Variants in ASGR2 observed in about 807,000 individuals in gnomAD.
The protein encoded by ASGR2 is asialoglycoprotein receptor 2, also known as C-type lectin domain family 4 member H2.
Under a neutral mutation model 32.3 loss-of-function variants are expected in ASGR2, and 34 were observed. The observed-to-expected ratio is 1.05, with a 90% CI of 0.80 to 1.40. The LOEUF is 1.40. Among genes scored for constraint, ASGR2 ranks in the 40% most tolerant of loss-of-function variants. The pLI, the probability that ASGR2 is intolerant of heterozygous loss-of-function variation, is 0.00. For synonymous variants in ASGR2, 143 were observed against 150.0 expected, an observed-to-expected ratio of 0.95 and a Z score of 0.34; for missense variants, 385 against 386.4, an observed-to-expected ratio of 1.00 and a Z score of 0.03.
chr17:7,112,084 G>GGGGGAGA (rs1914757787), intron 2 of ASGR2, among the ~76,000 whole-genome samples: 2 of 104,068 alleles, frequency 1.9e-5, no homozygotes, highest in Non-Finnish European at 4.1e-5. Context: ...GGGGAGGGGA[G>GGGGGAGA]GGGGAGGGGA....
Position 7,107,647 on chromosome 17 carries a change from A to ACACACCACACACAGATCCATGACATAT in ASGR2, c.409+162_409+188dup. ...ACAACACACACATATACACCACACTACACACCACACACAGATCCATGACAT... is the reference window on the plus strand; with the variant it reads ...ACAACACACACATATACACCACACTACACACCACACACAGATCCATGACATATCACACCACACACAGATCCATGACAT... On this transcript the variant is annotated intron_variant, in intron 5 of 8. Coordinates refer to ENST00000691900, the MANE Select transcript of ASGR2 (RefSeq NM_001201352.2). The surrounding 1 kb of genome is among the most constrained non-coding windows in gnomAD (Gnocchi z 5.0). 1.3e-6 allele frequency: 1 copy of ACACACCACACACAGATCCATGACATAT among 764,856 alleles called. No individual in the cohort carries two copies. 47.4% of individuals were successfully genotyped at this position (764,856 alleles called of 1,614,324 possible). A position where few individuals can be genotyped will look rare whatever the true frequency, so the allele number is the denominator to read the frequency against.
intron 2 of ASGR2, among the ~76,000 whole-genome samples, chr17:7,110,043 C>G (rs551363923): frequency 1.3e-5 from 2 of 152,122 alleles, no homozygotes; most frequent in Admixed American, 6.5e-5. Context: ...CCTATCACCC[C>G]CCGACCCAGC....
chr17:7,107,438 A>G lies in ASGR2; in HGVS notation c.410-121T>C. On this transcript the variant is annotated intron_variant, in intron 5 of 8. Transcript: ENST00000691900. This position sits in a 1 kb window ranked among gnomAD's most constrained non-coding sequence, Gnocchi z 5.0. Reference sequence around the variant, plus strand: ...GTACACCATGCATAGACCACACCACACACCATACCACACACACACCACAGA... The same window carrying G: ...GTACACCATGCATAGACCACACCACGCACCATACCACACACACACCACAGA... The G allele has an allele frequency of 1.1e-6, 1 of 905,156 alleles. No individual in the cohort carries two copies. The highest frequency in any genetic ancestry group is 1.5e-5 in the South Asian group (1 of 65,710). 56.1% of individuals were successfully genotyped at this position (905,156 alleles called of 1,614,324 possible).
rs1915090623 is a variant in ASGR2 at position 7,113,701 on chromosome 17, AACACACTCT to A, written c.124+407_124+415del. On this transcript the variant is annotated intron_variant, in intron 2 of 8. Transcript: ENST00000691900. This position sits in a 1 kb window ranked among gnomAD's most constrained non-coding sequence, Gnocchi z 5.1. ...ATATACTCACACAACATACACACAC[AACACACTCT>A]CACACACAACATACCCTCTCACATA... 6.7e-6 allele frequency among the ~76,000 whole-genome samples: 1 copy of A among 148,298 alleles called. No individual in the cohort carries two copies. The highest frequency in any genetic ancestry group is 2.5e-5 in the African/African-American group (1 of 39,972).
intron 2 of ASGR2, among the ~76,000 whole-genome samples, chr17:7,112,325 G>A (rs548681165): frequency 9.2e-4 from 140 of 151,878 alleles, no homozygotes; most frequent in Non-Finnish European, 1.8e-3. Context: ...CCATGATGAC[G>A]TTCCCCCAGC....
At position 7,113,448 on chromosome 17, in the gene ASGR2, A is replaced by G. The variant is rs1915001179; in HGVS notation, c.124+669T>C. ...CGCACAACATACACAACACTCACACAACACACAAACATACATACACTCACA... is the reference window on the plus strand; with the variant it reads ...CGCACAACATACACAACACTCACACGACACACAAACATACATACACTCACA... On this transcript the variant is annotated intron_variant, in intron 2 of 8. Transcript: ENST00000691900. The surrounding 1 kb of genome is among the most constrained non-coding windows in gnomAD (Gnocchi z 5.1). 4.0e-5 allele frequency among the ~76,000 whole-genome samples: 6 copies of G among 149,606 alleles called. No individual in the cohort carries two copies. The South Asian group carries it at 1.3e-3, about 31-fold the overall frequency.
rs61731746 is a variant in ASGR2 at position 7,107,906 on chromosome 17, T to A, written c.339A>T (p.Gly113=). The change falls in exon 5 of 9, where the codon GGA becomes GGT. Residue 113 remains glycine (G), a splice_region_variant and synonymous_variant. Coordinates refer to ENST00000691900, the MANE Select transcript of ASGR2 (RefSeq NM_001201352.2). The surrounding 1 kb of genome is among the most constrained non-coding windows in gnomAD (Gnocchi z 5.0). ...LTEVQAISTH[G]GSVGDKITSL... ...ATGTGATCTTGTCACCCACGCTGCC[T>A]CCTGGAAGCGGAAAGCCAGCTGTTT... The A allele has an allele frequency of 3.7e-6, 6 of 1,613,674 alleles. No individual in the cohort carries two copies. In the African/African-American group the frequency reaches 8.0e-5, roughly 22 times the overall value.
At position 7,108,320 on chromosome 17, in the gene ASGR2, C is replaced by T. The variant is rs1239542602; in HGVS notation, c.337+142G>A. The T allele has an allele frequency of 9.5e-6, 8 of 840,618 alleles. No homozygotes were observed. Among genetic ancestry groups the T allele is most frequent in the Non-Finnish European group, 3.6e-6 (2 of 549,058 alleles). The allele number at this position is 840,618 out of a possible 1,614,324, so 52.1% of individuals were successfully genotyped here. A position where few individuals can be genotyped will look rare whatever the true frequency, so the allele number is the denominator to read the frequency against. On this transcript the variant is annotated intron_variant, in intron 4 of 8. Transcript: ENST00000691900. This position sits in a 1 kb window ranked among gnomAD's most constrained non-coding sequence, Gnocchi z 4.9. ...AACCTCGTCCGTCCCCACCTGCCTC[C>T]CTCCTATACATCCCCCAGGGCCCCT... is the stretch of plus-strand genomic sequence containing the variant.
In ASGR2 at chr17:7,108,759, C is replaced by T. The variant is rs867025164; in HGVS notation, c.241+13G>A. ...ACCCCTTGCCCATCCCTGCTGGCCCCCGTGACCCTCACTTTGGGACCCAGT... is the reference window on the plus strand; with the variant it reads ...ACCCCTTGCCCATCCCTGCTGGCCCTCGTGACCCTCACTTTGGGACCCAGT... On this transcript the variant is annotated intron_variant, in intron 3 of 8. Transcript: ENST00000691900. This position sits in a 1 kb window ranked among gnomAD's most constrained non-coding sequence, Gnocchi z 4.9. The T allele has an allele frequency of 6.2e-7, 1 of 1,613,998 alleles. No individual in the cohort carries two copies. Among genetic ancestry groups the T allele is most frequent in the Non-Finnish European group, 8.5e-7 (1 of 1,179,926 alleles).
Position 7,108,599 on chromosome 17 carries a change from G to C in ASGR2, c.242-42C>G, listed in dbSNP as rs778149826. On this transcript the variant is annotated intron_variant, in intron 3 of 8. Transcript: ENST00000691900. The surrounding 1 kb of genome is among the most constrained non-coding windows in gnomAD (Gnocchi z 4.9). Reference sequence around the variant, plus strand: ...GGGGGCAGGATGAGGCAGAGGGGCCGTGTCCCCATCACTGTCCATGTGACT... The same window carrying C: ...GGGGGCAGGATGAGGCAGAGGGGCCCTGTCCCCATCACTGTCCATGTGACT... The C allele has an allele frequency of 2.5e-6, 4 of 1,601,988 alleles. No homozygotes were observed. Among genetic ancestry groups the C allele is most frequent in the Non-Finnish European group, 2.6e-6 (3 of 1,173,438 alleles).
chr17:7,108,141 C>T lies in ASGR2; in HGVS notation c.338-234G>A, dbSNP rs1031388423. ...AGCCTCGCTCTGTCAGCACGGCTCA[C>T]CTGCGTGGCCGGGCCCCTCCCCACC... On this transcript the variant is annotated intron_variant, in intron 4 of 8. Transcript: ENST00000691900. This position sits in a 1 kb window ranked among gnomAD's most constrained non-coding sequence, Gnocchi z 4.9. 3.9e-5 allele frequency among the ~76,000 whole-genome samples: 6 copies of T among 152,170 alleles called. No individual in the cohort carries two copies. Among genetic ancestry groups the T allele is most frequent in the East Asian group, 3.9e-4 (2 of 5,190 alleles).
rs1915261544 is a variant in ASGR2, at chr17:7,114,744, G to A, written c.-200C>T. On this transcript the variant is annotated 5_prime_UTR_variant, in exon 1 of 9. Coordinates refer to ENST00000691900, the MANE Select transcript of ASGR2 (RefSeq NM_001201352.2). This position sits in a 1 kb window ranked among gnomAD's most constrained non-coding sequence, Gnocchi z 4.5. ...GGAGAGGAGAGTGGAGGAGGGGCTG[G>A]TCCGGGCAAGGCCTGCACTGGAGGG... 1.0e-6 allele frequency: 1 copy of A among 1,002,124 alleles called. No individual in the cohort carries two copies. Among genetic ancestry groups the A allele is most frequent in the Non-Finnish European group, 1.2e-6 (1 of 839,292 alleles). The allele number at this position is 1,002,124 out of a possible 1,614,324, so 62.1% of individuals were successfully genotyped here. A position where few individuals can be genotyped will look rare whatever the true frequency, so the allele number is the denominator to read the frequency against.
chr17:7,104,382 T>C (rs1035420073), intron 7 of ASGR2, among the ~76,000 whole-genome samples: 1 of 134,378 alleles, frequency 7.4e-6, no homozygotes, highest in African/African-American at 2.9e-5. Context: ...CCAGGCGTAG[T>C]GGCTCATGCC....
intron 7 of ASGR2, among the ~76,000 whole-genome samples, chr17:7,105,050 T>A (rs2151709470): frequency 6.6e-6 from 1 of 151,216 alleles, no homozygotes; most frequent in South Asian, 2.1e-4. Context: ...CTCAGACACA[T>A]GGGAATAAGA....
At position 7,101,645 on chromosome 17, in the gene ASGR2, TCGTTCCA is replaced by T; in HGVS notation, c.844_850del (p.Trp282MetfsTer44). On this transcript the variant is annotated frameshift_variant, in exon 9 of 9. Coordinates refer to ENST00000691900, the MANE Select transcript of ASGR2 (RefSeq NM_001201352.2). LOFTEE classifies it low-confidence loss of function (END_TRUNC). ...GCGGTACACCTGCAGGCAGAAGTCA[TCGTTCCA>T]GCGGCCATCCGGCTGGACTTCAACA... 1 of 1,614,206 alleles carries T rather than the reference TCGTTCCA, an allele frequency of 6.2e-7. No individual in the cohort carries two copies. Among genetic ancestry groups the T allele is most frequent in the South Asian group, 1.1e-5 (1 of 91,078 alleles).
intron 7 of ASGR2, 47 bp downstream of exon 7, chr17:7,106,953 C>T (rs1240569642): frequency 6.2e-7 from 1 of 1,607,624 alleles, no homozygotes; most frequent in South Asian, 1.1e-5. Context: ...CCTCCCAGAG[C>T]AGGCCTTCCA....
upstream of ASGR2, chr17:7,115,143 C>T (rs1344975880): frequency 3.9e-5 from 16 of 410,942 alleles, no homozygotes; most frequent in African/African-American, 3.5e-4. The surrounding 1 kb of genome is among the most constrained non-coding windows in gnomAD (Gnocchi z 4.2). Flanking sequence ...AACCACAGAC[C>T]CCAGCTTCCT....
At chr17:7,106,153 C>T (rs1913648198) in intron 7 of ASGR2, among the ~76,000 whole-genome samples, 1 of 151,966 alleles carries the variant, frequency 6.6e-6, no homozygotes, top group Non-Finnish European at 1.5e-5. Flanking sequence ...GAAGAGATTG[C>T]AATGTACAGT....
rs1055716731 is a variant in ASGR2, at chr17:7,114,503, C to T, written c.-71+112G>A. ...GACCTGGCCAGGAGACCCCTCCCCA[C>T]GCTCATGGACCCGACCACCCACAGC... On this transcript the variant is annotated intron_variant, in intron 1 of 8. Transcript: ENST00000691900. The surrounding 1 kb of genome is among the most constrained non-coding windows in gnomAD (Gnocchi z 4.5). 16 of 1,294,982 alleles carry T rather than the reference C, an allele frequency of 1.2e-5. No individual in the cohort carries two copies. The highest frequency in any genetic ancestry group is 9.0e-5 in the African/African-American group (6 of 66,558). 80.2% of individuals were successfully genotyped at this position (1,294,982 alleles called of 1,614,324 possible).
Sources: gnomAD v4.1 joint callset for allele counts (sites outside exome capture counted in the v4.1 genomes callset) on GRCh38, gnomAD v4.1.1 for gene constraint, Gnocchi (gnomAD v3.1) non-coding constraint, MANE v1.5 for transcripts, NCBI Gene and HGNC (gene_info 2026-07-23, HGNC 2026-07-21) for gene names.